Variants in DGKB observed in about 807,000 individuals in gnomAD.
The protein encoded by DGKB is diacylglycerol kinase beta, also known as 90 kDa diacylglycerol kinase.
DGKB carries 67 observed loss-of-function variants against 114.3 expected under a neutral mutation model. The observed-to-expected ratio is 0.59, with a 90% CI of 0.48 to 0.72. The LOEUF (loss-of-function observed/expected upper bound fraction) is 0.72. Among genes scored for constraint, DGKB ranks in the 30% least tolerant of loss-of-function variants. The pLI is 0.00. For missense variants in DGKB, 907 were observed against 975.2 expected (o/e 0.93, Z 0.93); for synonymous variants, 398 against 323.1 (o/e 1.23, Z -2.49).
At chr7:14,439,078 T>A (rs976458623) in intron 21 of DGKB, among the ~76,000 whole-genome samples, 2 of 152,020 alleles carry the variant, frequency 1.3e-5, no homozygotes, top group East Asian at 3.9e-4. Context: ...CCAACTAAAG[T>A]GTCTTTACAA....
intron 2 of DGKB, among the ~76,000 whole-genome samples, chr7:14,784,507 C>A (rs969487459): frequency 6.6e-6 from 1 of 151,740 alleles, no homozygotes; most frequent in Non-Finnish European, 1.5e-5. Flanking sequence ...TCCCCAGTAG[C>A]TGGGTATAGG....
intron 23 of DGKB, among the ~76,000 whole-genome samples, chr7:14,252,354 T>C (rs1008553354): frequency 6.6e-6 from 1 of 152,196 alleles, no homozygotes; most frequent in Non-Finnish European, 1.5e-5. Context: ...TTTACTTTGA[T>C]ACTTTGATAC....
intron 5 of DGKB, among the ~76,000 whole-genome samples, chr7:14,729,656 T>C (rs1299202599): frequency 4.6e-5 from 7 of 152,188 alleles, no homozygotes; most frequent in Non-Finnish European, 7.3e-5. Context: ...TTACACTGGA[T>C]GACTCCTGCA....
chr7:14,931,494 G>C (rs966578299), intron 1 of DGKB, among the ~76,000 whole-genome samples: 5 of 152,106 alleles, frequency 3.3e-5, no homozygotes, highest in African/African-American at 1.2e-4. Flanking sequence ...TTGTGTCCTT[G>C]TCTGGTTTTG....
chr7:14,176,940 C>G (rs1206411755), intron 24 of DGKB, 41 bp from the exon 25 acceptor site: 1 of 1,610,260 alleles, frequency 6.2e-7, no homozygotes, highest in Admixed American at 1.7e-5. Context: ...CAAGGAAATA[C>G]TTTATATTAC....
At chr7:14,384,928 T>A (rs766716645) in intron 21 of DGKB, among the ~76,000 whole-genome samples, 5 of 152,102 alleles carry the variant, frequency 3.3e-5, no homozygotes, top group Non-Finnish European at 1.5e-5. Context: ...AGAAACTCCA[T>A]GGTAAGTGAG....
chr7:14,663,173 C>G (rs1277523162), intron 13 of DGKB, among the ~76,000 whole-genome samples: 1 of 151,994 alleles, frequency 6.6e-6, no homozygotes, highest in Non-Finnish European at 1.5e-5. Context: ...AATTTACTCT[C>G]TCACCTGCAA....
intron 21 of DGKB, among the ~76,000 whole-genome samples, chr7:14,417,346 G>A (rs772759560): frequency 1.6e-4 from 25 of 151,994 alleles, no homozygotes; most frequent in Admixed American, 8.5e-4. Context: ...CAACTTTAAT[G>A]TTCACATATA....
At chr7:14,576,757 C>T (rs1261072867) in intron 19 of DGKB, among the ~76,000 whole-genome samples, 2 of 152,084 alleles carry the variant, frequency 1.3e-5, no homozygotes, top group Non-Finnish European at 2.9e-5. Context: ...AATCAATTAC[C>T]ACATCTAGAT....
chr7:14,162,683 T>C (rs1784079377), intron 25 of DGKB, among the ~76,000 whole-genome samples: 1 of 152,172 alleles, frequency 6.6e-6, no homozygotes, highest in African/African-American at 2.4e-5. Context: ...AAACTTAAAT[T>C]CATTGAACAA....
intron 23 of DGKB, among the ~76,000 whole-genome samples, chr7:14,284,202 A>C (rs2128460493): frequency 6.6e-6 from 1 of 150,858 alleles, no homozygotes; most frequent in African/African-American, 2.5e-5. Flanking sequence ...TGGGCGAAGG[A>C]CATGAACAGA....
At chr7:14,528,824 G>A (rs1584596701) in intron 20 of DGKB, among the ~76,000 whole-genome samples, 1 of 152,162 alleles carries the variant, frequency 6.6e-6, no homozygotes, top group East Asian at 1.9e-4. Context: ...AAATACAGAA[G>A]TGCCACTGTG....
intron 1 of DGKB, among the ~76,000 whole-genome samples, chr7:14,854,210 G>C (rs1849794364): frequency 6.6e-6 from 1 of 152,148 alleles, no homozygotes; most frequent in Non-Finnish European, 1.5e-5. Flanking sequence ...TGACATTTCA[G>C]TAAGGTAACT....
chr7:14,831,608 A>T (rs1846423575), intron 2 of DGKB, among the ~76,000 whole-genome samples: 1 of 152,092 alleles, frequency 6.6e-6, no homozygotes, highest in Non-Finnish European at 1.5e-5. Flanking sequence ...GGGGACAGAA[A>T]AAAAACATGA....
At chr7:14,207,127 C>T (rs115073225) in intron 23 of DGKB, among the ~76,000 whole-genome samples, 2,329 of 152,038 alleles carry the variant, frequency 0.015, 61 homozygotes, top group African/African-American at 0.054. Context: ...GAATAGGAAC[C>T]CTGCCTTTAG....
At chr7:14,642,050 G>A (rs976978415) in intron 13 of DGKB, among the ~76,000 whole-genome samples, 11 of 152,046 alleles carry the variant, frequency 7.2e-5, no homozygotes, top group Non-Finnish European at 1.6e-4. Flanking sequence ...TCAATTTGTT[G>A]CCATTCTCTA....
intron 21 of DGKB, among the ~76,000 whole-genome samples, chr7:14,436,063 A>G (rs1829203587): frequency 6.6e-6 from 1 of 152,074 alleles, no homozygotes; most frequent in East Asian, 1.9e-4. Flanking sequence ...GTGTTGGCAT[A>G]TTAACTTAGA....
At chr7:14,560,998 G>A (rs1453693714) in intron 20 of DGKB, among the ~76,000 whole-genome samples, 2 of 152,036 alleles carry the variant, frequency 1.3e-5, no homozygotes, top group African/African-American at 4.8e-5. Flanking sequence ...TGTCTTCTTT[G>A]GAGAAAAGTT....
At chr7:14,438,586 G>A (rs1829614539) in intron 21 of DGKB, among the ~76,000 whole-genome samples, 2 of 152,016 alleles carry the variant, frequency 1.3e-5, no homozygotes, top group African/African-American at 4.8e-5. Flanking sequence ...TTGCTTCCTG[G>A]AGTGACAGAG....
Sources: allele counts gnomAD v4.1 joint callset (sites outside exome capture counted in the v4.1 genomes callset), GRCh38; gene constraint gnomAD v4.1.1; transcripts MANE v1.5; gene names NCBI Gene and HGNC (gene_info 2026-07-23, HGNC 2026-07-21).